GLB1L3: variants seen among roughly 807,000 people sequenced by gnomAD.
GLB1L3 encodes the protein galactosidase beta 1 like 3.
In GLB1L3, 89 loss-of-function variants were observed where a neutral mutation model predicts 89.5. That is an observed-to-expected ratio of 0.99 (90% CI 0.84 to 1.19). GLB1L3 has a LOEUF of 1.19. Ranked by LOEUF, GLB1L3 falls within the 50% of genes most tolerant of loss-of-function variation. The probability of loss-of-function intolerance (pLI) is 0.00; values close to 1 mark genes in which losing one functional copy is unlikely to be tolerated. For synonymous variants in GLB1L3, 314 were observed against 312.3 expected (o/e 1.01, Z -0.06); for missense variants, 812 against 813.3 (o/e 1.00, Z 0.02).
chr11:134,280,831 C>G (rs772658797), intron 3 of GLB1L3, among the ~76,000 whole-genome samples: 1 of 152,114 alleles, frequency 6.6e-6, no homozygotes, highest in Non-Finnish European at 1.5e-5. Flanking sequence ...AAACATGTTG[C>G]CAGTGGCACA....
At chr11:134,290,577 G>T (rs539825) in intron 7 of GLB1L3, among the ~76,000 whole-genome samples, 4 of 129,566 alleles carry the variant, frequency 3.1e-5, no homozygotes, top group Non-Finnish European at 6.3e-5. Context: ...GTCCCCCCCC[G>T]CCAAAAAAAA....
At chr11:134,279,307 A>G (rs1044633862) in intron 3 of GLB1L3, among the ~76,000 whole-genome samples, 4 of 150,762 alleles carry the variant, frequency 2.7e-5, no homozygotes, top group Non-Finnish European at 5.9e-5. Context: ...CTTCTTGAAT[A>G]CATCCTGCTC....
intron 5 of GLB1L3, 91 bp downstream of exon 5, chr11:134,282,211 C>G (rs1940734224): frequency 7.1e-7 from 1 of 1,408,484 alleles, no homozygotes; most frequent in Non-Finnish European, 9.5e-7. Flanking sequence ...GGAAAGTAAC[C>G]TTTATTCACG....
rs1943103770 is a variant in GLB1L3 at position 134,319,015 on chromosome 11, C to G, written c.*73C>G. ...TGTCGCCCAGGCTGGAGTGCAGTGG[C>G]ACAATCTCTGCTCACTGCAAGCTCA... On this transcript the variant is annotated 3_prime_UTR_variant, in exon 20 of 20. Transcript: ENST00000431683. 3.8e-6 allele frequency: 4 copies of G among 1,046,830 alleles called. No homozygotes were observed. In the East Asian group the frequency reaches 9.5e-5, roughly 25 times the overall value. The allele number at this position is 1,046,830 out of a possible 1,614,324, so 64.8% of individuals were successfully genotyped here. A position where few individuals can be genotyped will look rare whatever the true frequency, so the allele number is the denominator to read the frequency against.
intron 9 of GLB1L3, among the ~76,000 whole-genome samples, chr11:134,294,186 C>T (rs764075083): frequency 2.0e-5 from 3 of 152,102 alleles, no homozygotes; most frequent in Non-Finnish European, 4.4e-5. Context: ...CCTGCCTCAG[C>T]CTCCCGGGTA....
At chr11:134,310,511 G>C (rs1942673990) in intron 11 of GLB1L3, 60 bp from the exon 12 acceptor site, 1 of 1,342,602 alleles carries the variant, frequency 7.4e-7, no homozygotes, top group African/African-American at 1.4e-5. Context: ...TGCCAGCGGT[G>C]CTGAAACAGG....
At chr11:134,323,341 T>G (rs1943187677), downstream of GLB1L3, among the ~76,000 whole-genome samples, 1 of 151,944 alleles carries the variant, frequency 6.6e-6, no homozygotes, top group African/African-American at 2.4e-5. Context: ...GCCAACGTGG[T>G]GAAACCCCGT....
chr11:134,300,546 G>A (rs1327148675), intron 9 of GLB1L3, among the ~76,000 whole-genome samples: 1 of 152,026 alleles, frequency 6.6e-6, no homozygotes, highest in African/African-American at 2.4e-5. Flanking sequence ...GTGTTAGCCA[G>A]GATGGTCTCT....
rs779028102 is a variant in GLB1L3 at position 134,312,852 on chromosome 11, G to T, written c.1465G>T (p.Glu489Ter). The change falls in exon 15 of 20, where the codon GAG becomes TAG. Residue 489 changes from glutamate (E) to a stop codon, truncating the protein, a stop_gained. Coordinates refer to ENST00000431683, the MANE Select transcript of GLB1L3 (RefSeq NM_001080407.3). LOFTEE classifies it high-confidence loss of function. ...LDETMIGILN[E>*]NNKDLHIPEL... ...TGAGACAATGATAGGGATTCTGAAT[G>T]AGAATAATAAGGACCTGCACATTCC... 1 of 1,612,330 alleles carries T rather than the reference G, an allele frequency of 6.2e-7. No homozygotes were observed. The highest frequency in any genetic ancestry group is 2.2e-5 in the East Asian group (1 of 44,870).
Position 134,312,396 on chromosome 11 carries a change from C to A in GLB1L3, c.1335C>A (p.Asn445Lys). ...QPVNMENLPI[N>K]NGSGQSYGLV... ...TCAACATGGAGAACCTTCCCATAAACAATGGGAGCGGCCAGTCCTACGGGC... is the reference window on the plus strand; with the variant it reads ...TCAACATGGAGAACCTTCCCATAAAAAATGGGAGCGGCCAGTCCTACGGGC... The change falls in exon 14 of 20, where the codon AAC becomes AAA. Residue 445 changes from asparagine (N) to lysine (K), a missense_variant. Physicochemically the swap from Asn to Lys is moderately conservative, Grantham distance 94. Transcript: ENST00000431683. 6.2e-7 allele frequency: 1 copy of A among 1,613,760 alleles called. No individual in the cohort carries two copies. Among genetic ancestry groups the A allele is most frequent in the Non-Finnish European group, 8.5e-7 (1 of 1,179,820 alleles).
intron 9 of GLB1L3, among the ~76,000 whole-genome samples, chr11:134,302,358 A>G (rs1941987596): frequency 6.6e-6 from 1 of 152,228 alleles, no homozygotes; most frequent in Non-Finnish European, 1.5e-5. Flanking sequence ...ATACAAATTT[A>G]GAATTATAGA....
At chr11:134,315,376 C>T (rs909227991) in intron 18 of GLB1L3, among the ~76,000 whole-genome samples, 2 of 152,100 alleles carry the variant, frequency 1.3e-5, no homozygotes, top group Middle Eastern at 3.4e-3. Context: ...TTTAGGAAGG[C>T]GAATTTGTGT....
chr11:134,289,400 A>AGGCAGG (rs1941212856), intron 7 of GLB1L3, among the ~76,000 whole-genome samples: 1 of 152,048 alleles, frequency 6.6e-6, no homozygotes, highest in South Asian at 2.1e-4. Flanking sequence ...GTGGCAGGAG[A>AGGCAGG]GGCAGGGGAT....
chr11:134,312,766 C>T, intron 14 of GLB1L3, 50 bp from the exon 15 acceptor site: 1 of 1,485,870 alleles, frequency 6.7e-7, no homozygotes, highest in Non-Finnish European at 9.3e-7. Flanking sequence ...CCTCTCTTCT[C>T]CCTTTCTTCG....
At position 134,314,204 on chromosome 11, in the gene GLB1L3, C is replaced by T. The variant is rs115107173; in HGVS notation, c.1668-126C>T. 756 of 737,756 alleles carry T rather than the reference C, an allele frequency of 1.0e-3. 5 individuals carry two copies. The African/African-American group carries it at 0.012, about 12-fold the overall frequency. 45.7% of individuals were successfully genotyped at this position (737,756 alleles called of 1,614,324 possible). On this transcript the variant is annotated intron_variant, in intron 17 of 19. Transcript: ENST00000431683. ...ACAAGTGTCCTGATTCTGATCTTAA[C>T]GCATCTAGTCTACTCTATCTCATTG...
chr11:134,309,872 A>G (rs776463548), intron 11 of GLB1L3, 109 bp downstream of exon 11: 22 of 1,210,574 alleles, frequency 1.8e-5, no homozygotes, highest in South Asian at 5.7e-5. Flanking sequence ...CCTATAATCT[A>G]TGCTGAGTAC....
At chr11:134,307,524 C>A (rs1380144173) in intron 10 of GLB1L3, among the ~76,000 whole-genome samples, 1 of 152,160 alleles carries the variant, frequency 6.6e-6, no homozygotes, top group Admixed American at 6.5e-5. Context: ...AGAAGAAAGA[C>A]CTGCGCAGGT....
intron 6 of GLB1L3, among the ~76,000 whole-genome samples, chr11:134,285,908 GTTTTTTT>G (rs1162065552): frequency 7.7e-6 from 1 of 130,128 alleles, no homozygotes; most frequent in Non-Finnish European, 1.6e-5. Context: ...TGTGAGTTCT[GTTTTTTT>G]TTTTTTTTTT....
chr11:134,315,947 G>A (rs1043204694), intron 18 of GLB1L3, among the ~76,000 whole-genome samples: 7 of 152,038 alleles, frequency 4.6e-5, no homozygotes, highest in African/African-American at 1.7e-4. Context: ...CGTGGATTTG[G>A]TTGCATCCTC....
Sources: allele counts gnomAD v4.1 joint callset (sites outside exome capture counted in the v4.1 genomes callset), GRCh38; gene constraint gnomAD v4.1.1; transcripts MANE v1.5; gene names NCBI Gene and HGNC (gene_info 2026-07-23, HGNC 2026-07-21).